SORCS1: variants seen among roughly 807,000 people sequenced by gnomAD.
The protein encoded by SORCS1 is sortilin related VPS10 domain containing receptor 1.
In SORCS1, 60 loss-of-function variants were observed where a neutral mutation model predicts 146.1. The ratio of observed to expected loss-of-function variants is 0.41; its 90% CI spans 0.33 to 0.51. The LOEUF (loss-of-function observed/expected upper bound fraction) is 0.51. Ranked by LOEUF, SORCS1 falls within the 20% of genes least tolerant of loss-of-function variation. SORCS1 has a pLI of 0.21. For missense variants in SORCS1, 1,352 were observed against 1,487.6 expected, an observed-to-expected ratio of 0.91 and a Z score of 1.50; for synonymous variants, 637 against 584.0, an observed-to-expected ratio of 1.09 and a Z score of -1.31.
chr10:106,652,042 G>A (rs1849903649), intron 18 of SORCS1, among the ~76,000 whole-genome samples: 2 of 152,168 alleles, frequency 1.3e-5, no homozygotes, highest in South Asian at 4.1e-4. Context: ...TTTAGTATAT[G>A]TACGTATTAA....
At position 106,999,658 on chromosome 10, in the gene SORCS1, G is replaced by C. The variant is rs999029534; in HGVS notation, c.559-43078C>G. Among the ~76,000 whole-genome samples the C allele has an allele frequency of 2.0e-5, 3 of 152,132 alleles. No individual in the cohort carries two copies. The South Asian group carries it at 6.2e-4, about 31-fold the overall frequency. On this transcript the variant is annotated intron_variant, in intron 1 of 25. Coordinates refer to ENST00000263054, the MANE Select transcript of SORCS1 (RefSeq NM_052918.5). ...TTTGCACCAGCAGAAGCTTGGCTCT[G>C]GCAAACAATAATTTAGCTTCAGGGA...
chr10:106,734,910 C>T (rs1388560051), intron 5 of SORCS1, among the ~76,000 whole-genome samples: 1 of 152,026 alleles, frequency 6.6e-6, no homozygotes, highest in East Asian at 1.9e-4. Flanking sequence ...TGGCTCACAC[C>T]TATAATCCGA....
chr10:106,640,570 C>G (rs1476516779), intron 18 of SORCS1, among the ~76,000 whole-genome samples: 3 of 152,228 alleles, frequency 2.0e-5, no homozygotes, highest in South Asian at 2.1e-4. Context: ...GATACTACTT[C>G]TGCCTACCAG....
At chr10:106,602,259 T>C (rs1846286078) in intron 23 of SORCS1, among the ~76,000 whole-genome samples, 1 of 152,164 alleles carries the variant, frequency 6.6e-6, no homozygotes, top group African/African-American at 2.4e-5. Flanking sequence ...CAAATCTTAC[T>C]GAACTTAATA....
chr10:106,700,119 A>G (rs1854024366), intron 8 of SORCS1, among the ~76,000 whole-genome samples: 1 of 152,216 alleles, frequency 6.6e-6, no homozygotes, highest in Non-Finnish European at 1.5e-5. Context: ...TCCTCCAGTG[A>G]AAAAGGGTAA....
At chr10:107,117,875 TTTAGAAGAGAC>T (rs904764975) in intron 1 of SORCS1, among the ~76,000 whole-genome samples, 4 of 152,266 alleles carry the variant, frequency 2.6e-5, no homozygotes, top group East Asian at 3.9e-4. Flanking sequence ...ACATACCTAA[TTTAGAAGAGAC>T]TTAGAAGAGA....
At chr10:106,912,940 A>G (rs1952235461) in intron 2 of SORCS1, among the ~76,000 whole-genome samples, 1 of 152,148 alleles carries the variant, frequency 6.6e-6, no homozygotes, top group Non-Finnish European at 1.5e-5. Flanking sequence ...TCAGCCTCCC[A>G]AAGTGCTGGG....
chr10:106,982,512 T>TA (rs1170429318), intron 1 of SORCS1, among the ~76,000 whole-genome samples: 10 of 152,272 alleles, frequency 6.6e-5, no homozygotes, highest in African/African-American at 2.4e-4. Flanking sequence ...GGTTTAGATT[T>TA]TAAGGGGGAG....
rs576509138 is a variant in SORCS1 at position 107,097,179 on chromosome 10, G to A, written c.558+66790C>T. The stretch of plus-strand genomic sequence containing the variant: ...ATAAAGGAACTGAATAAAAACCTCT[G>A]TGCTCAGGGAATGAAATCCAGGAGC... On this transcript the variant is annotated intron_variant, in intron 1 of 25. Coordinates refer to ENST00000263054, the MANE Select transcript of SORCS1 (RefSeq NM_052918.5). 7.2e-5 allele frequency among the ~76,000 whole-genome samples: 11 copies of A among 152,294 alleles called. No individual in the cohort carries two copies. In the South Asian group the frequency reaches 1.5e-3, roughly 20 times the overall value.
At chr10:107,020,187 T>G (rs946454270) in intron 1 of SORCS1, among the ~76,000 whole-genome samples, 1 of 152,206 alleles carries the variant, frequency 6.6e-6, no homozygotes, top group African/African-American at 2.4e-5. Flanking sequence ...TGTCTTTACC[T>G]TTTATGCTAA....
intron 6 of SORCS1, among the ~76,000 whole-genome samples, chr10:106,717,493 G>C (rs769587129): frequency 6.6e-6 from 1 of 152,226 alleles, no homozygotes; most frequent in Non-Finnish European, 1.5e-5. Flanking sequence ...GGCATGATGA[G>C]TGTGATTTAG....
chr10:107,007,209 G>C (rs182166408), intron 1 of SORCS1, among the ~76,000 whole-genome samples: 1 of 152,280 alleles, frequency 6.6e-6, no homozygotes, highest in African/African-American at 2.4e-5. Flanking sequence ...ACATTCTTTG[G>C]CCTCCTCCCA....
At position 107,121,422 on chromosome 10, in the gene SORCS1, G is replaced by T. The variant is rs771962910; in HGVS notation, c.558+42547C>A. On this transcript the variant is annotated intron_variant, in intron 1 of 25. Transcript: ENST00000263054. ...CCACTGCTCTCAATCAAAGACTTGGGTTCTCAAGGACAAAATTCATACAAT... is the reference window on the plus strand; with the variant it reads ...CCACTGCTCTCAATCAAAGACTTGGTTTCTCAAGGACAAAATTCATACAAT... Among the ~76,000 whole-genome samples, 43 of 152,178 alleles carry T rather than the reference G, an allele frequency of 2.8e-4. 1 individual carries two copies. Among genetic ancestry groups the T allele is most frequent in the Admixed American group, 2.5e-3 (38 of 15,274 alleles).
chr10:106,809,167 G>T (rs1295773769), intron 3 of SORCS1, among the ~76,000 whole-genome samples: 3 of 151,644 alleles, frequency 2.0e-5, no homozygotes, highest in African/African-American at 7.3e-5. Flanking sequence ...TGTTTTTGTG[G>T]TTGTGGGGGG....
At chr10:106,727,813 G>T (rs552920758) in intron 6 of SORCS1, among the ~76,000 whole-genome samples, 25 of 152,168 alleles carry the variant, frequency 1.6e-4, no homozygotes, top group African/African-American at 5.5e-4. Context: ...AAGAAAGAAG[G>T]GTATTCCAGA....
At chr10:106,678,227 C>A (rs1345079907) in intron 12 of SORCS1, among the ~76,000 whole-genome samples, 1 of 152,172 alleles carries the variant, frequency 6.6e-6, no homozygotes, top group African/African-American at 2.4e-5. Context: ...GACTTCTTTG[C>A]CTTGCTTGCG....
At chr10:106,601,003 G>C (rs968251699) in intron 23 of SORCS1, among the ~76,000 whole-genome samples, 1 of 152,128 alleles carries the variant, frequency 6.6e-6, no homozygotes, top group Non-Finnish European at 1.5e-5. Context: ...GACCAATATG[G>C]GCTACAGGAG....
At chr10:107,083,034 G>A (rs1963454164) in intron 1 of SORCS1, among the ~76,000 whole-genome samples, 2 of 151,060 alleles carry the variant, frequency 1.3e-5, no homozygotes, top group East Asian at 2.0e-4. Flanking sequence ...GTGTGAACCT[G>A]GGAGGCAGAG....
In SORCS1 at chr10:107,060,333, G is replaced by A. The variant is rs1305448313; in HGVS notation, c.558+103636C>T. Reference sequence around the variant, plus strand: ...AAAAGTGGGGTACTAGTACTGAGGAGGGTTCTTGCGAGATTAAAGTTAATT... The same window carrying A: ...AAAAGTGGGGTACTAGTACTGAGGAAGGTTCTTGCGAGATTAAAGTTAATT... On this transcript the variant is annotated intron_variant, in intron 1 of 25. Coordinates refer to ENST00000263054, the MANE Select transcript of SORCS1 (RefSeq NM_052918.5). The surrounding 1 kb of genome is among the most constrained non-coding windows in gnomAD (Gnocchi z 4.1). Among the ~76,000 whole-genome samples the A allele has an allele frequency of 1.3e-5, 2 of 152,146 alleles. No homozygotes were observed. The highest frequency in any genetic ancestry group is 3.9e-4 in the East Asian group (2 of 5,192).
Sources: allele counts gnomAD v4.1 joint callset (sites outside exome capture counted in the v4.1 genomes callset), GRCh38; gene constraint gnomAD v4.1.1; non-coding constraint Gnocchi (gnomAD v3.1); transcripts MANE v1.5; gene names NCBI Gene and HGNC (gene_info 2026-07-23, HGNC 2026-07-21).